The following TANC2 variants were observed in gnomAD, a reference collection of about 807,000 sequenced individuals.
The protein encoded by TANC2 is tetratricopeptide repeat, ankyrin repeat and coiled-coil containing 2.
TANC2 carries 26 observed loss-of-function variants against 210.5 expected under a neutral mutation model. The observed-to-expected ratio is 0.12, with a 90% CI of 0.09 to 0.17. The LOEUF (loss-of-function observed/expected upper bound fraction) is 0.17. Ranked by LOEUF, TANC2 falls within the 10% of genes least tolerant of loss-of-function variation. The pLI, the probability that TANC2 is intolerant of heterozygous loss-of-function variation, is 1.00. For synonymous variants in TANC2, 931 were observed against 967.1 expected, an observed-to-expected ratio of 0.96 and a Z score of 0.69; for missense variants, 2,129 against 2,608.9, an observed-to-expected ratio of 0.82 and a Z score of 4.01.
intron 20 of TANC2, among the ~76,000 whole-genome samples, chr17:63,405,461 T>C (rs1161000620): frequency 1.3e-5 from 2 of 152,250 alleles, no homozygotes; most frequent in Non-Finnish European, 2.9e-5. Flanking sequence ...ACAGATTGTA[T>C]AGAAGGACTA....
intron 5 of TANC2, among the ~76,000 whole-genome samples, chr17:63,186,350 CTTTTT>C (rs11314991): frequency 8.7e-6 from 1 of 114,384 alleles, no homozygotes; most frequent in African/African-American, 4.1e-5. Context: ...CTCTCTCTCT[CTTTTT>C]TTTTTTTTTT....
At chr17:63,264,269 C>G (rs1245286634) in intron 8 of TANC2, among the ~76,000 whole-genome samples, 1 of 152,140 alleles carries the variant, frequency 6.6e-6, no homozygotes, top group Non-Finnish European at 1.5e-5. Flanking sequence ...TGTACTCAAC[C>G]TCTGATGGGA....
intron 8 of TANC2, among the ~76,000 whole-genome samples, chr17:63,242,588 G>A (rs2042804634): frequency 6.6e-6 from 1 of 152,060 alleles, no homozygotes; most frequent in Admixed American, 6.6e-5. Flanking sequence ...ACCAAGGGAT[G>A]ATTGCATTTA....
intron 2 of TANC2, among the ~76,000 whole-genome samples, chr17:63,070,610 G>A (rs1333473456): frequency 6.6e-6 from 1 of 151,942 alleles, no homozygotes; most frequent in East Asian, 1.9e-4. Flanking sequence ...CCAAATCTAG[G>A]TCACTCCTAG....
intron 5 of TANC2, among the ~76,000 whole-genome samples, chr17:63,167,400 C>T (rs1024058447): frequency 4.6e-5 from 7 of 152,110 alleles, no homozygotes; most frequent in Non-Finnish European, 7.4e-5. Flanking sequence ...GTGGCATTTA[C>T]ATGACAATCT....
intron 8 of TANC2, among the ~76,000 whole-genome samples, chr17:63,258,533 A>G (rs1403831066): frequency 1.3e-5 from 2 of 151,372 alleles, no homozygotes; most frequent in Non-Finnish European, 2.9e-5. Flanking sequence ...GTTCCATACT[A>G]GTGCAGTGGA....
At chr17:63,252,893 A>T (rs1005870426) in intron 8 of TANC2, among the ~76,000 whole-genome samples, 1 of 151,892 alleles carries the variant, frequency 6.6e-6, no homozygotes, top group Non-Finnish European at 1.5e-5. Flanking sequence ...GTTGATGGAC[A>T]CTTAGGTTTC....
At chr17:63,167,144 A>C (rs1367229933) in intron 5 of TANC2, among the ~76,000 whole-genome samples, 1 of 152,096 alleles carries the variant, frequency 6.6e-6, no homozygotes, top group Admixed American at 6.5e-5. Context: ...TTAGAAACTA[A>C]CTTTGATCTA....
chr17:63,054,959 A>G (rs1400419990), intron 2 of TANC2, among the ~76,000 whole-genome samples: 1 of 152,174 alleles, frequency 6.6e-6, no homozygotes, highest in Non-Finnish European at 1.5e-5. Flanking sequence ...CTCCTTCAAC[A>G]TTTTAATTCA....
At chr17:63,132,326 G>A (rs1188508194) in intron 4 of TANC2, among the ~76,000 whole-genome samples, 2 of 152,006 alleles carry the variant, frequency 1.3e-5, no homozygotes, top group African/African-American at 4.8e-5. Context: ...GGTGGCAAGA[G>A]ATTTATGAAA....
chr17:63,418,174 G>A lies in TANC2; in HGVS notation c.4168-133G>A. On this transcript the variant is annotated intron_variant, in intron 26 of 27. Coordinates refer to ENST00000689528, the Ensembl canonical transcript of TANC2. The surrounding 1 kb of genome is among the most constrained non-coding windows in gnomAD (Gnocchi z 4.6). ...CCACAGGCCACGCGGCTTGAGCCAT[G>A]TCAGGCACGTCTAGCGTCCCAGGCG... The A allele has an allele frequency of 1.1e-6, 1 of 906,528 alleles. No homozygotes were observed. The highest frequency in any genetic ancestry group is 1.7e-5 in the South Asian group (1 of 60,090). 56.2% of individuals were successfully genotyped at this position (906,528 alleles called of 1,614,324 possible).
At chr17:63,106,512 A>C (rs1424296526) in intron 4 of TANC2, among the ~76,000 whole-genome samples, 2 of 151,630 alleles carry the variant, frequency 1.3e-5, no homozygotes, top group African/African-American at 2.4e-5. Context: ...TGACCAGATT[A>C]TCAAGGGTAG....
rs202056866 is a variant in TANC2 at position 63,420,758 on chromosome 17, T to C, written c.5028T>C (p.Pro1676=). ...TGGCCCAGCGGCCCTACCAGATGCC[T>C]CAGCTCCCTGTGGCAGTTCCCCAGC... Residue 1676 remains proline, a synonymous_variant, in exon 28 of 28, where the codon CCT becomes CCC. Coordinates refer to ENST00000689528, the Ensembl canonical transcript of TANC2. This position sits in a 1 kb window ranked among gnomAD's most constrained non-coding sequence, Gnocchi z 4.2. 4.2e-3 allele frequency: 6,729 copies of C among 1,613,996 alleles called. 17 individuals carry two copies. Among genetic ancestry groups the C allele is most frequent in the Non-Finnish European group, 5.1e-3 (6,003 of 1,179,882 alleles).
chr17:63,276,016 C>G (rs1022799300), intron 9 of TANC2, among the ~76,000 whole-genome samples: 1 of 152,090 alleles, frequency 6.6e-6, no homozygotes, highest in Non-Finnish European at 1.5e-5. Flanking sequence ...GTGACTAGGT[C>G]TATTAAAGTA....
chr17:63,421,010 T>C lies in TANC2; in HGVS notation c.5280T>C (p.His1760=). 6.2e-7 allele frequency: 1 copy of C among 1,613,984 alleles called. No individual in the cohort carries two copies. Among genetic ancestry groups the C allele is most frequent in the Non-Finnish European group, 8.5e-7 (1 of 1,179,884 alleles). The change falls in exon 28 of 28, where the codon CAT becomes CAC. Residue 1760 remains histidine (H), a synonymous_variant. Transcript: ENST00000689528. This position sits in a 1 kb window ranked among gnomAD's most constrained non-coding sequence, Gnocchi z 6.9. ...TAGGGGATGGAAGGCCGGTGCAGCA[T>C]GTCCAAGCCAGCCTGAGTGCAGGCG...
chr17:63,419,108 CCCT>C (rs1440424732), intron 27 of TANC2, among the ~76,000 whole-genome samples: 1 of 152,182 alleles, frequency 6.6e-6, no homozygotes, highest in African/African-American at 2.4e-5. Context: ...ATGCCTCCTG[CCCT>C]CCTCCTCCCC....
intron 10 of TANC2, among the ~76,000 whole-genome samples, chr17:63,317,423 TCCACCACCA>T (rs1169928492): frequency 6.7e-6 from 1 of 150,002 alleles, no homozygotes; most frequent in Non-Finnish European, 1.5e-5. Context: ...CCCATCAGTC[TCCACCACCA>T]CCACCACCAT....
chr17:63,411,978 C>G lies in TANC2; in HGVS notation c.3766-20C>G, dbSNP rs1416616740. ...AGCCATTACGCCTGTCCTAACTTCT[C>G]TGCTTGATCCGTGTCCTAGGTCCAG... is the stretch of plus-strand genomic sequence containing the variant. On this transcript the variant is annotated intron_variant, in intron 22 of 27. Transcript: ENST00000689528. The G allele has an allele frequency of 6.2e-7, 1 of 1,613,620 alleles. No homozygotes were observed. Among genetic ancestry groups the G allele is most frequent in the South Asian group, 1.1e-5 (1 of 91,032 alleles).
intron 1 of TANC2, among the ~76,000 whole-genome samples, chr17:62,996,805 T>C (rs2143653131): frequency 6.6e-6 from 1 of 151,144 alleles, no homozygotes; most frequent in East Asian, 1.9e-4. Context: ...CACTAAATTT[T>C]CTTTTCTTTT....
Sources: allele counts gnomAD v4.1 joint callset (sites outside exome capture counted in the v4.1 genomes callset), GRCh38; gene constraint gnomAD v4.1.1; non-coding constraint Gnocchi (gnomAD v3.1); transcripts MANE v1.5; gene names NCBI Gene and HGNC (gene_info 2026-07-23, HGNC 2026-07-21).